Variants in SMCO2 observed in about 807,000 individuals in gnomAD.
The protein encoded by SMCO2 is single-pass membrane and coiled-coil domain-containing protein 2.
In SMCO2, 25 loss-of-function variants were observed where a neutral mutation model predicts 29.5. The observed-to-expected ratio is 0.85, with a 90% CI of 0.62 to 1.18. The LOEUF (loss-of-function observed/expected upper bound fraction) is 1.18, where lower values mean the gene tolerates loss of function less well. Among genes scored for constraint, SMCO2 ranks in the 50% most tolerant of loss-of-function variants. The probability of loss-of-function intolerance (pLI) is 0.00; values close to 1 mark genes in which losing one functional copy is unlikely to be tolerated. For synonymous variants in SMCO2, 117 were observed against 123.3 expected (o/e 0.95, Z 0.34); for missense variants, 348 against 344.5 (o/e 1.01, Z -0.08).
intron 1 of SMCO2, 135 bp from the exon 2 acceptor site, chr12:27,470,487 C>G (rs187989310): frequency 1.1e-6 from 1 of 926,716 alleles, no homozygotes; most frequent in South Asian, 1.8e-5. Flanking sequence ...GGGTCCTTTA[C>G]GATGAACAGC....
chr12:27,457,137 C>A, the SMCO2 span, among the ~76,000 whole-genome samples: 1 of 152,026 alleles, frequency 6.6e-6, no homozygotes, highest in Admixed American at 6.5e-5. Context: ...AGGTTGGCTA[C>A]CCCGATCAGT....
Position 27,481,685 on chromosome 12 carries a change from G to T in SMCO2, c.362+6772G>T, listed in dbSNP as rs866147769. Among the ~76,000 whole-genome samples the T allele has an allele frequency of 3.3e-5, 5 of 152,250 alleles. No individual in the cohort carries two copies. The South Asian group carries it at 6.2e-4, about 19-fold the overall frequency. ...GTATCTATTAATTTCTTTAATAGAT[G>T]TAATAGGGCTATTCAGGATATATTG... On this transcript the variant is annotated intron_variant, in intron 4 of 7. Coordinates refer to ENST00000298876, the Ensembl canonical transcript of SMCO2.
chr12:27,447,090 G>A, the SMCO2 span, among the ~76,000 whole-genome samples: 4 of 152,088 alleles, frequency 2.6e-5, no homozygotes, highest in African/African-American at 4.8e-5. Context: ...GCACAGATCC[G>A]ATAAAGGAAC....
chr12:27,441,567 A>G, the SMCO2 span, among the ~76,000 whole-genome samples: 1 of 152,170 alleles, frequency 6.6e-6, no homozygotes, highest in Non-Finnish European at 1.5e-5. Context: ...CTAACACCAG[A>G]GCTCCCAAAA....
At chr12:27,447,221 C>G in the SMCO2 span, among the ~76,000 whole-genome samples, 3 of 152,150 alleles carry the variant, frequency 2.0e-5, no homozygotes, top group East Asian at 5.8e-4. Flanking sequence ...CCTCCAGCCC[C>G]TTCTTGAGCT....
chr12:27,456,666 T>C, the SMCO2 span, among the ~76,000 whole-genome samples: 1 of 152,234 alleles, frequency 6.6e-6, no homozygotes, highest in South Asian at 2.1e-4. Flanking sequence ...TTCTTCCTTT[T>C]AATTTTTCCT....
chr12:27,442,165 C>A, the SMCO2 span, among the ~76,000 whole-genome samples: 7 of 151,878 alleles, frequency 4.6e-5, no homozygotes, highest in Non-Finnish European at 1.0e-4. Context: ...CAAGCATGAA[C>A]AAGCCAAATC....
the SMCO2 span, among the ~76,000 whole-genome samples, chr12:27,437,056 C>T: frequency 6.6e-6 from 1 of 152,112 alleles, no homozygotes. Context: ...CTTATTAAAG[C>T]AGGAAATCAC....
At chr12:27,456,688 C>A in the SMCO2 span, among the ~76,000 whole-genome samples, 1 of 152,118 alleles carries the variant, frequency 6.6e-6, no homozygotes, top group Non-Finnish European at 1.5e-5. Context: ...GTAGAAGAAT[C>A]ATTTTTTTCC....
At chr12:27,455,170 A>G in the SMCO2 span, among the ~76,000 whole-genome samples, 1 of 152,192 alleles carries the variant, frequency 6.6e-6, no homozygotes, top group African/African-American at 2.4e-5. Flanking sequence ...TTTGAATGGC[A>G]GGGCCTAATT....
intron 4 of SMCO2, among the ~76,000 whole-genome samples, chr12:27,479,556 G>A (rs1247691019): frequency 2.0e-5 from 3 of 152,180 alleles, no homozygotes; most frequent in Non-Finnish European, 4.4e-5. Context: ...TGATGACATG[G>A]TGATATGGTT....
At chr12:27,431,218 T>C in the SMCO2 span, among the ~76,000 whole-genome samples, 1 of 152,126 alleles carries the variant, frequency 6.6e-6, no homozygotes. Flanking sequence ...GTTTTCGCCA[T>C]GTTGGCCAGG....
chr12:27,502,012 T>G, exon 8 of SMCO2: 1 of 1,548,390 alleles, frequency 6.5e-7, no homozygotes, highest in Non-Finnish European at 8.7e-7. Context: ...GCTACATTTC[T>G]CTTTGAAAGG....
chr12:27,457,098 C>T, the SMCO2 span, among the ~76,000 whole-genome samples: 4 of 152,032 alleles, frequency 2.6e-5, no homozygotes, highest in Non-Finnish European at 4.4e-5. Flanking sequence ...GGTGCCAAAA[C>T]GGTTGGGGAC....
intron 4 of SMCO2, among the ~76,000 whole-genome samples, chr12:27,484,813 A>G (rs1949673474): frequency 7.1e-6 from 1 of 139,866 alleles, no homozygotes; most frequent in African/African-American, 2.6e-5. Flanking sequence ...AGATCGTGCC[A>G]TTGCACTCCA....
chr12:27,466,144 C>G (rs1023947399), upstream of SMCO2, among the ~76,000 whole-genome samples: 2 of 152,120 alleles, frequency 1.3e-5, no homozygotes, highest in African/African-American at 4.8e-5. Flanking sequence ...TGCTTGGGCC[C>G]GGTGCAGTGG....
intron 1 of SMCO2, among the ~76,000 whole-genome samples, chr12:27,468,077 A>G (rs1366136899): frequency 2.0e-5 from 3 of 152,204 alleles, no homozygotes; most frequent in Non-Finnish European, 2.9e-5. Flanking sequence ...TAATAATATT[A>G]GTATTACTAT....
At chr12:27,428,818 CTT>C in the SMCO2 span, among the ~76,000 whole-genome samples, 8 of 130,030 alleles carry the variant, frequency 6.2e-5, no homozygotes, top group Admixed American at 8.0e-5. Flanking sequence ...AATAAATGTA[CTT>C]TTTTTTTTTT....
chr12:27,486,263 A>G (rs755353255), intron 4 of SMCO2, among the ~76,000 whole-genome samples: 12 of 152,028 alleles, frequency 7.9e-5, no homozygotes, highest in Non-Finnish European at 1.3e-4. Flanking sequence ...CCTCTTTGGC[A>G]CTCTGCTGGG....
Sources: gnomAD v4.1 joint callset for allele counts (sites outside exome capture counted in the v4.1 genomes callset) on GRCh38, gnomAD v4.1.1 for gene constraint, MANE v1.5 for transcripts, NCBI Gene and HGNC (gene_info 2026-07-23, HGNC 2026-07-21) for gene names.